The following PTPRE variants were observed in gnomAD, a reference collection of about 807,000 sequenced individuals.
The protein encoded by PTPRE is protein tyrosine phosphatase receptor type E.
In PTPRE, 51 loss-of-function variants were observed where a neutral mutation model predicts 102.0. That is an observed-to-expected ratio of 0.50 (90% CI 0.40 to 0.63). PTPRE has a LOEUF of 0.63. Ranked by LOEUF, PTPRE falls within the 30% of genes least tolerant of loss-of-function variation. The pLI is 0.00. For missense variants in PTPRE, 752 were observed against 915.1 expected, an observed-to-expected ratio of 0.82 and a Z score of 2.30; for synonymous variants, 345 against 348.2, an observed-to-expected ratio of 0.99 and a Z score of 0.10.
chr10:128,062,438 G>GC (rs1467182507), intron 9 of PTPRE, among the ~76,000 whole-genome samples: 1 of 152,254 alleles, frequency 6.6e-6, no homozygotes, highest in Non-Finnish European at 1.5e-5. Context: ...GCAGATGAAA[G>GC]CATGTGTTTC....
intron 2 of PTPRE, among the ~76,000 whole-genome samples, chr10:128,027,079 A>C (rs914680615): frequency 2.6e-5 from 4 of 152,220 alleles, no homozygotes; most frequent in Admixed American, 2.0e-4. Context: ...TGTGGTTTTC[A>C]TGTCTGTGGG....
chr10:127,923,642 T>C (rs1285099075), intron 1 of PTPRE, among the ~76,000 whole-genome samples: 1 of 152,146 alleles, frequency 6.6e-6, no homozygotes, highest in East Asian at 1.9e-4. Context: ...GACCTCGTGA[T>C]CCACCTGCCT....
intron 4 of PTPRE, 102 bp from the exon 5 acceptor site, chr10:128,047,662 G>C (rs770761095): frequency 6.2e-7 from 1 of 1,614,230 alleles, no homozygotes; most frequent in Non-Finnish European, 8.5e-7. Flanking sequence ...AGCAACAGGA[G>C]TAGCTTTTCC....
chr10:128,003,054 TAGAC>T (rs571283476), intron 2 of PTPRE, among the ~76,000 whole-genome samples: 5 of 152,308 alleles, frequency 3.3e-5, no homozygotes, highest in Admixed American at 3.3e-4. Flanking sequence ...CATGCACAGA[TAGAC>T]CATTTACAGT....
chr10:128,077,902 C>A, intron 19 of PTPRE, 119 bp downstream of exon 19: 1 of 1,153,602 alleles, frequency 8.7e-7, no homozygotes. Context: ...TCCCTAGAGT[C>A]TCCTCTCTAC....
intron 1 of PTPRE, among the ~76,000 whole-genome samples, chr10:127,914,787 C>G (rs1475416180): frequency 6.6e-6 from 1 of 152,136 alleles, no homozygotes; most frequent in Non-Finnish European, 1.5e-5. Context: ...TCTTGTCAAC[C>G]GAGGAGACCT....
intron 2 of PTPRE, among the ~76,000 whole-genome samples, chr10:128,032,077 G>A (rs551078475): frequency 4.6e-5 from 7 of 152,138 alleles, no homozygotes; most frequent in South Asian, 2.1e-4. Flanking sequence ...GTGCAGTGGC[G>A]CAATCTCGGC....
chr10:128,049,453 C>A, intron 5 of PTPRE, 77 bp from the exon 6 acceptor site: 1 of 1,527,908 alleles, frequency 6.5e-7, no homozygotes, highest in Non-Finnish European at 8.9e-7. Flanking sequence ...TCAGGAATGT[C>A]GTTGGTCAGC....
At chr10:127,936,066 G>T (rs1025910732) in intron 1 of PTPRE, 4 of 152,166 alleles carry the variant, frequency 2.6e-5, no homozygotes, top group Admixed American at 6.5e-5. Flanking sequence ...AGGAAAAACC[G>T]TCTCTGCGTC....
At chr10:127,963,889 C>A (rs975046152) in intron 1 of PTPRE, among the ~76,000 whole-genome samples, 4 of 152,144 alleles carry the variant, frequency 2.6e-5, no homozygotes, top group African/African-American at 9.7e-5. Flanking sequence ...GGTCTTCAGC[C>A]CATTTGCAGA....
At chr10:128,023,199 T>A (rs1409840607) in intron 2 of PTPRE, among the ~76,000 whole-genome samples, 1 of 152,112 alleles carries the variant, frequency 6.6e-6, no homozygotes, top group Non-Finnish European at 1.5e-5. Context: ...TCTCTTACTG[T>A]GCCTGATTTA....
intron 1 of PTPRE, among the ~76,000 whole-genome samples, chr10:127,924,092 A>C (rs1434585239): frequency 6.6e-6 from 1 of 152,234 alleles, no homozygotes; most frequent in African/African-American, 2.4e-5. Flanking sequence ...TGAACAAGTG[A>C]AAGGAACACA....
At position 128,067,324 on chromosome 10, in the gene PTPRE, GCA is replaced by G. The variant is rs201551468; in HGVS notation, c.844-792_844-791del. On this transcript the variant is annotated intron_variant, in intron 11 of 20. Coordinates refer to ENST00000254667, the MANE Select transcript of PTPRE (RefSeq NM_006504.6). The stretch of plus-strand genomic sequence containing the variant: ...TGCACACATGCACATTCACACATGT[GCA>G]CACACATACATCCACACACATTCAC... 7.4e-3 allele frequency among the ~76,000 whole-genome samples: 1,082 copies of G among 147,098 alleles called. 30 individuals carry two copies. Among genetic ancestry groups the G allele is most frequent in the Non-Finnish European group, 4.7e-3 (312 of 67,078 alleles).
At chr10:128,013,874 G>A (rs1253220123) in intron 2 of PTPRE, among the ~76,000 whole-genome samples, 1 of 152,054 alleles carries the variant, frequency 6.6e-6, no homozygotes, top group Non-Finnish European at 1.5e-5. Flanking sequence ...GTGTGTAGAG[G>A]GAGTTTCCCG....
intron 2 of PTPRE, among the ~76,000 whole-genome samples, chr10:127,990,411 CAAAAAAAAA>C (rs60034358): frequency 3.0e-5 from 2 of 65,738 alleles, no homozygotes; most frequent in Non-Finnish European, 5.8e-5. Flanking sequence ...GACTCCACCT[CAAAAAAAAA>C]AAAAAAAAAA....
chr10:128,056,755 C>A (rs993094726), intron 7 of PTPRE, among the ~76,000 whole-genome samples: 2 of 151,922 alleles, frequency 1.3e-5, no homozygotes, highest in Admixed American at 6.6e-5. Context: ...TGGGCATGGG[C>A]TGGGGAGCGT....
chr10:128,047,013 C>T (rs552839069), intron 3 of PTPRE, among the ~76,000 whole-genome samples: 1 of 152,328 alleles, frequency 6.6e-6, no homozygotes, highest in Non-Finnish European at 1.5e-5. Flanking sequence ...AGCTGAGCTA[C>T]GCCGAGTCAG....
At chr10:127,970,914 C>G (rs908763028) in intron 1 of PTPRE, among the ~76,000 whole-genome samples, 3 of 151,956 alleles carry the variant, frequency 2.0e-5, no homozygotes, top group African/African-American at 7.3e-5. Context: ...ATAAACCATC[C>G]CTCCAGGTTA....
Position 128,079,601 on chromosome 10 carries a change from A to G in PTPRE, c.1934A>G (p.Asn645Ser). The G allele has an allele frequency of 6.2e-7, 1 of 1,614,218 alleles. No individual in the cohort carries two copies. Among genetic ancestry groups the G allele is most frequent in the Non-Finnish European group, 8.5e-7 (1 of 1,180,042 alleles). The change falls in exon 20 of 21, where the codon AAC becomes AGC. Residue 645 changes from asparagine (N) to serine (S), a missense_variant. By Grantham distance (46) the Asn-to-Ser change is conservative. This residue lies in a region of PTPRE where 636 missense variants were observed against 824.4 expected (regional missense o/e 0.77). Coordinates refer to ENST00000254667, the MANE Select transcript of PTPRE (RefSeq NM_006504.6). The stretch of plus-strand genomic sequence containing the variant: ...ACAGGTACATTCATAGCCCTCAGCA[A>G]CATTTTGGAGCGAGTAAAAGCCGAG... ...GRTGTFIALS[N>S]ILERVKAEGL...
Sources: allele counts gnomAD v4.1 joint callset (sites outside exome capture counted in the v4.1 genomes callset), GRCh38; gene constraint gnomAD v4.1.1; regional missense constraint gnomAD v4.1.1; transcripts MANE v1.5; gene names NCBI Gene and HGNC (gene_info 2026-07-23, HGNC 2026-07-21).